MRGPRX3: variants seen among roughly 807,000 people sequenced by gnomAD.
MRGPRX3 encodes the protein MAS related GPR family member X3, also known as mas-related G protein-coupled receptor member X3.
MRGPRX3 carries 14 observed loss-of-function variants against 16.5 expected under a neutral mutation model. The observed-to-expected ratio is 0.85, with a 90% confidence interval of 0.56 to 1.33. MRGPRX3 has a LOEUF of 1.33. Ranked by LOEUF, MRGPRX3 falls within the 40% of genes most tolerant of loss-of-function variation. The pLI, the probability that MRGPRX3 is intolerant of heterozygous loss-of-function variation, is 0.00. For missense variants in MRGPRX3, 449 were observed against 413.0 expected (o/e 1.09, Z -0.76); for synonymous variants, 199 against 180.1 (o/e 1.10, Z -0.84).
At chr11:18,132,358 G>A (rs1276870628), upstream of MRGPRX3, among the ~76,000 whole-genome samples, 1 of 152,146 alleles carries the variant, frequency 6.6e-6, no homozygotes, top group African/African-American at 2.4e-5. Context: ...AGTTCACATT[G>A]CTTAATGTGA....
upstream of MRGPRX3, chr11:18,132,429 A>C (rs1400054563): frequency 9.2e-5 from 14 of 152,254 alleles, no homozygotes; most frequent in East Asian, 2.7e-3. Flanking sequence ...GAAGTTGAAC[A>C]AGATGGGACG....
At chr11:18,126,789 G>A (rs1306737803) in intron 1 of MRGPRX3, among the ~76,000 whole-genome samples, 1 of 152,128 alleles carries the variant, frequency 6.6e-6, no homozygotes, top group Admixed American at 6.5e-5. Flanking sequence ...ATGGTTTCCA[G>A]CTTCATCCAT....
chr11:18,134,552 G>C (rs954779734), intron 1 of MRGPRX3, among the ~76,000 whole-genome samples: 3 of 152,182 alleles, frequency 2.0e-5, no homozygotes, highest in African/African-American at 7.2e-5. Context: ...AGCATCTGCA[G>C]ATTTTGGTCT....
intron 1 of MRGPRX3, among the ~76,000 whole-genome samples, chr11:18,125,129 CA>C (rs373382149): frequency 0.075 from 11,424 of 151,930 alleles, 446 homozygotes; most frequent in Middle Eastern, 0.11. Context: ...TTGATCTTTT[CA>C]AAAAAACAGC....
intron 1 of MRGPRX3, among the ~76,000 whole-genome samples, chr11:18,136,365 T>G (rs1264611293): frequency 4.6e-5 from 7 of 152,172 alleles, no homozygotes; most frequent in Non-Finnish European, 1.0e-4. Flanking sequence ...AAAGCCACAC[T>G]GAGTCCTTAT....
intron 1 of MRGPRX3, among the ~76,000 whole-genome samples, chr11:18,123,100 T>A (rs1198131316): frequency 1.3e-5 from 2 of 152,226 alleles, no homozygotes; most frequent in Non-Finnish European, 2.9e-5. Flanking sequence ...CTTTGTCAGA[T>A]GAGTAGATTG....
intron 1 of MRGPRX3, 92 bp downstream of exon 1, chr11:18,132,831 G>C (rs902308221): frequency 6.6e-5 from 10 of 152,168 alleles, no homozygotes; most frequent in African/African-American, 2.4e-4. Context: ...CTACATGCAG[G>C]GGGTCACGAG....
intron 1 of MRGPRX3, among the ~76,000 whole-genome samples, chr11:18,133,917 C>A (rs1848984494): frequency 6.6e-6 from 1 of 152,150 alleles, no homozygotes; most frequent in Non-Finnish European, 1.5e-5. Flanking sequence ...TAAAAAGAAT[C>A]CCACTGATGT....
At position 18,137,430 on chromosome 11, in the gene MRGPRX3, T is replaced by C. The variant is rs1451697873; in HGVS notation, c.228T>C (p.Leu76=). 6.2e-7 allele frequency: 1 copy of C among 1,614,182 alleles called. No individual in the cohort carries two copies. Among genetic ancestry groups the C allele is most frequent in the South Asian group, 1.1e-5 (1 of 91,070 alleles). The change falls in exon 2 of 2, where the codon CTT becomes CTC. Residue 76 remains leucine, a synonymous_variant. Coordinates refer to ENST00000621697, the MANE Select transcript of MRGPRX3 (RefSeq NM_001370464.1). The part of the protein sequence containing the change: ...LNLVAADFLF[L]SGHIICSPLR... The stretch of plus-strand genomic sequence containing the variant: ...TGGTCGCGGCCGACTTCCTCTTCCT[T>C]AGCGGCCACATTATATGTTCGCCGT...
intron 1 of MRGPRX3, among the ~76,000 whole-genome samples, chr11:18,134,759 G>A (rs28735633): frequency 0.028 from 4,339 of 152,266 alleles, 199 homozygotes; most frequent in African/African-American, 0.099. Context: ...GAAAAAGGAC[G>A]AGGGGAAGGA....
chr11:18,123,780 G>A (rs1848863632), intron 1 of MRGPRX3, among the ~76,000 whole-genome samples: 1 of 152,188 alleles, frequency 6.6e-6, no homozygotes, highest in African/African-American at 2.4e-5. Context: ...ACCTTGGGCA[G>A]TATGGCCATT....
intron 1 of MRGPRX3, among the ~76,000 whole-genome samples, chr11:18,125,534 T>C (rs999497809): frequency 1.3e-5 from 2 of 152,236 alleles, no homozygotes; most frequent in African/African-American, 4.8e-5. Flanking sequence ...TCTAATTTGA[T>C]TGCACTGTGG....
chr11:18,136,276 C>G (rs1426627530), intron 1 of MRGPRX3, among the ~76,000 whole-genome samples: 1 of 152,210 alleles, frequency 6.6e-6, no homozygotes, highest in Non-Finnish European at 1.5e-5. Flanking sequence ...ACTCTTTCCT[C>G]TGTTCTGTTG....
At chr11:18,124,813 G>T (rs1324720483) in intron 1 of MRGPRX3, among the ~76,000 whole-genome samples, 2 of 152,122 alleles carry the variant, frequency 1.3e-5, no homozygotes, top group South Asian at 4.1e-4. Flanking sequence ...GAATTCATCT[G>T]GTCCTGGACT....
intron 1 of MRGPRX3, among the ~76,000 whole-genome samples, chr11:18,126,753 G>A (rs916242653): frequency 4.6e-5 from 7 of 151,822 alleles, no homozygotes; most frequent in Non-Finnish European, 7.4e-5. Flanking sequence ...TTGGTTTTTT[G>A]TCTTTGCGAT....
upstream of MRGPRX3, among the ~76,000 whole-genome samples, chr11:18,129,386 T>C (rs1406114541): frequency 6.6e-6 from 1 of 152,152 alleles, no homozygotes; most frequent in Non-Finnish European, 1.5e-5. Context: ...ATACAAAAGA[T>C]CTTTCAAGAC....
chr11:18,128,369 C>T (rs571320531), upstream of MRGPRX3, among the ~76,000 whole-genome samples: 6 of 152,314 alleles, frequency 3.9e-5, no homozygotes, highest in South Asian at 1.0e-3. Flanking sequence ...ATGGCCTGCC[C>T]CCAGAGGTGG....
At position 18,137,847 on chromosome 11, in the gene MRGPRX3, C is replaced by T. The variant is rs201290239; in HGVS notation, c.645C>T (p.Tyr215=). ...GSRKMPLTRL[Y]VTILLTVLVF... ...GGAAGATGCCGCTGACCAGGCTGTA[C>T]GTGACCATCCTCCTCACAGTGCTGG... The change falls in exon 2 of 2, where the codon TAC becomes TAT. Residue 215 remains tyrosine, a synonymous_variant. Transcript: ENST00000621697. The T allele has an allele frequency of 1.2e-5, 20 of 1,614,090 alleles. No homozygotes were observed. The highest frequency in any genetic ancestry group is 9.3e-5 in the African/African-American group (7 of 74,916).
upstream of MRGPRX3, among the ~76,000 whole-genome samples, chr11:18,128,821 C>A (rs1223591172): frequency 1.3e-5 from 2 of 152,212 alleles, no homozygotes; most frequent in African/African-American, 4.8e-5. Context: ...GTGAGATAAA[C>A]CCAGTACCTC....
Sources: gnomAD v4.1 joint callset for allele counts (sites outside exome capture counted in the v4.1 genomes callset) on GRCh38, gnomAD v4.1.1 for gene constraint, MANE v1.5 for transcripts, NCBI Gene and HGNC (gene_info 2026-07-23, HGNC 2026-07-21) for gene names.